The following PSKH1 variants were observed in gnomAD, a reference collection of about 807,000 sequenced individuals.
The protein encoded by PSKH1 is protein serine kinase H1, also known as serine/threonine-protein kinase H1.
PSKH1 carries 12 observed loss-of-function variants against 26.7 expected under a neutral mutation model. The ratio of observed to expected loss-of-function variants is 0.45; its 90% CI spans 0.29 to 0.73. The LOEUF is 0.73. PSKH1 is among the 30% of genes least tolerant of loss of function. The probability of loss-of-function intolerance (pLI) is 0.11; values close to 1 mark genes in which losing one functional copy is unlikely to be tolerated. For missense variants in PSKH1, 431 were observed against 595.2 expected (o/e 0.72, Z 2.87); for synonymous variants, 213 against 234.3 (o/e 0.91, Z 0.83).
chr16:67,909,107 A>G lies in PSKH1; in HGVS notation c.358A>G (p.Thr120Ala). Reference sequence around the variant, plus strand: ...AGTGGTACGTGTAGAGCACCGGGCAACCCGGCAGCCGTATGCCATCAAGAT... The same window carrying G: ...AGTGGTACGTGTAGAGCACCGGGCAGCCCGGCAGCCGTATGCCATCAAGAT... ...SRVVRVEHRA[T>A]RQPYAIKMIE... is the part of the protein sequence containing the mutation. The change falls in exon 2 of 3, where the codon ACC (threonine) becomes GCC (alanine). Residue 120 changes from threonine to alanine, a missense_variant. Transcript: ENST00000291041. The surrounding 1 kb of genome is among the most constrained non-coding windows in gnomAD (Gnocchi z 7.8). 6.2e-7 allele frequency: 1 copy of G among 1,613,266 alleles called. No homozygotes were observed. The highest frequency in any genetic ancestry group is 8.5e-7 in the Non-Finnish European group (1 of 1,179,666).
In PSKH1 at chr16:67,927,673, C is replaced by T. The variant is rs759857838; in HGVS notation, c.*31C>T. On this transcript the variant is annotated 3_prime_UTR_variant, in exon 3 of 3. Coordinates refer to ENST00000291041, the MANE Select transcript of PSKH1 (RefSeq NM_006742.3). The surrounding 1 kb of genome is among the most constrained non-coding windows in gnomAD (Gnocchi z 5.5). ...CTGGCTGTGCACACATGCAGCACGA[C>T]CCAGCCTGGCCACACACTGTGGTGC... The T allele has an allele frequency of 2.6e-6, 4 of 1,567,006 alleles. No individual in the cohort carries two copies. Among genetic ancestry groups the T allele is most frequent in the Non-Finnish European group, 3.4e-6 (4 of 1,160,888 alleles).
chr16:67,918,365 T>A (rs1220839448), intron 2 of PSKH1, among the ~76,000 whole-genome samples: 1 of 151,862 alleles, frequency 6.6e-6, no homozygotes, highest in African/African-American at 2.4e-5. Context: ...TAGGAACAGG[T>A]GGGCTTGGGT....
intron 1 of PSKH1, among the ~76,000 whole-genome samples, chr16:67,902,167 C>T (rs1034654540): frequency 2.7e-5 from 4 of 150,876 alleles, no homozygotes; most frequent in African/African-American, 9.8e-5. Flanking sequence ...GGCTGAGGCA[C>T]GAGAATTGTT....
intron 2 of PSKH1, among the ~76,000 whole-genome samples, chr16:67,911,136 C>T (rs1264055201): frequency 6.6e-6 from 1 of 152,232 alleles, no homozygotes; most frequent in Non-Finnish European, 1.5e-5. Context: ...TCTGTGTCGG[C>T]TTTATGTGGG....
chr16:67,923,383 C>A (rs142373080), intron 2 of PSKH1, among the ~76,000 whole-genome samples: 44 of 152,320 alleles, frequency 2.9e-4, no homozygotes, highest in African/African-American at 1.1e-3. Context: ...CCTCCTCCTA[C>A]AGCCCCTGCT....
At chr16:67,910,168 A>G (rs2058169588) in intron 2 of PSKH1, 4 of 236,148 alleles carry the variant, frequency 1.7e-5, no homozygotes. Context: ...AGGACACTAA[A>G]TCTCTGGTGC....
chr16:67,894,665 T>C (rs916313133), intron 1 of PSKH1, among the ~76,000 whole-genome samples: 3 of 152,202 alleles, frequency 2.0e-5, no homozygotes, highest in Admixed American at 1.3e-4. Flanking sequence ...CATGGTGGTC[T>C]TCTGTCTGCA....
chr16:67,900,341 C>G (rs528596820), intron 1 of PSKH1, among the ~76,000 whole-genome samples: 1 of 152,260 alleles, frequency 6.6e-6, no homozygotes, highest in East Asian at 1.9e-4. Flanking sequence ...TGGCCCCTTC[C>G]CTCAAGGGTC....
In PSKH1 at chr16:67,908,973, C is replaced by T; in HGVS notation, c.224C>T (p.Ser75Leu). ...ACTGCTGGCCACACGGAGCCTCCCT[C>T]AGAACCACCACGCAGGGCCAGGGTA... is the stretch of plus-strand genomic sequence containing the variant. ...PPTAGHTEPP[S>L]EPPRRARVAK... is the part of the protein sequence containing the mutation. Residue 75 changes from serine to leucine, a missense_variant, in exon 2 of 3, where the codon TCA (serine) becomes TTA (leucine). Physicochemically the swap from Ser to Leu is moderately radical, Grantham distance 145. Transcript: ENST00000291041. 6.2e-7 allele frequency: 1 copy of T among 1,614,018 alleles called. No individual in the cohort carries two copies. Among genetic ancestry groups the T allele is most frequent in the Non-Finnish European group, 8.5e-7 (1 of 1,179,926 alleles).
In PSKH1 at chr16:67,908,800, G is replaced by GCTGGAT. The variant is rs1408732601; in HGVS notation, c.56_61dup (p.Asp19_Leu20dup). ...TTCCCGAGCCACCCAAGGATGTCCA[G>GCTGGAT]CTGGATCTGGTCAAGAAGGTGGAGC... On this transcript the variant is annotated inframe_insertion, in exon 2 of 3. Coordinates refer to ENST00000291041, the MANE Select transcript of PSKH1 (RefSeq NM_006742.3). 6.2e-7 allele frequency: 1 copy of GCTGGAT among 1,611,460 alleles called. No individual in the cohort carries two copies. The highest frequency in any genetic ancestry group is 1.1e-5 in the South Asian group (1 of 90,740).
rs773162960 is a variant in PSKH1, at chr16:67,928,093, C to A, written c.*451C>A. On this transcript the variant is annotated 3_prime_UTR_variant, in exon 3 of 3. Coordinates refer to ENST00000291041, the MANE Select transcript of PSKH1 (RefSeq NM_006742.3). This position sits in a 1 kb window ranked among gnomAD's most constrained non-coding sequence, Gnocchi z 4.8. ...CAGAGCCCTTCTCCCTGGTTTCACA[C>A]ATTCCCATGCATCCTGATCCTTAAG... 1.2e-5 allele frequency: 2 copies of A among 163,796 alleles called. No individual in the cohort carries two copies. Among genetic ancestry groups the A allele is most frequent in the Non-Finnish European group, 2.6e-5 (2 of 75,684 alleles). The allele number at this position is 163,796 out of a possible 1,614,324, so 10.1% of individuals were successfully genotyped here. A position where few individuals can be genotyped will look rare whatever the true frequency, so the allele number is the denominator to read the frequency against.
intron 1 of PSKH1, among the ~76,000 whole-genome samples, chr16:67,901,895 A>G (rs2058143101): frequency 6.6e-6 from 1 of 152,072 alleles, no homozygotes; most frequent in Non-Finnish European, 1.5e-5. Context: ...CCAGAGTGCT[A>G]GGATCACAGT....
intron 2 of PSKH1, among the ~76,000 whole-genome samples, chr16:67,916,221 G>A (rs2058187517): frequency 6.6e-6 from 1 of 152,224 alleles, no homozygotes; most frequent in Non-Finnish European, 1.5e-5. Flanking sequence ...GTGAATGAAG[G>A]ACCTCTGACG....
At chr16:67,925,784 G>C (rs536919843) in intron 2 of PSKH1, among the ~76,000 whole-genome samples, 2 of 152,180 alleles carry the variant, frequency 1.3e-5, no homozygotes, top group Non-Finnish European at 2.9e-5. Flanking sequence ...ACCTTCCAAA[G>C]AGTGGGTGAA....
At chr16:67,925,198 A>AT (rs11325565) in intron 2 of PSKH1, among the ~76,000 whole-genome samples, 2,674 of 139,392 alleles carry the variant, frequency 0.019, 34 homozygotes, top group African/African-American at 0.033. Context: ...CAATATGAAT[A>AT]TTTTTTTTTT....
chr16:67,919,057 A>G (rs1298165687), intron 2 of PSKH1, among the ~76,000 whole-genome samples: 1 of 152,100 alleles, frequency 6.6e-6, no homozygotes, highest in Non-Finnish European at 1.5e-5. Context: ...ATCTCCCCGC[A>G]TATGTCACAA....
Position 67,899,233 on chromosome 16 carries a change from G to A in PSKH1, c.-71+5862G>A, listed in dbSNP as rs374765935. On this transcript the variant is annotated intron_variant, in intron 1 of 2. Coordinates refer to ENST00000291041, the MANE Select transcript of PSKH1 (RefSeq NM_006742.3). ...AGGATATTTACAGGGTGTCCAAAGA[G>A]TGTGGCTATGGTTTAACCACCGATC... 2.6e-5 allele frequency among the ~76,000 whole-genome samples: 4 copies of A among 152,198 alleles called. No individual in the cohort carries two copies. The East Asian group carries it at 7.7e-4, about 29-fold the overall frequency.
At chr16:67,897,375 G>A (rs577766086) in intron 1 of PSKH1, among the ~76,000 whole-genome samples, 1 of 152,222 alleles carries the variant, frequency 6.6e-6, no homozygotes, top group South Asian at 2.1e-4. Context: ...TCTTGGTACA[G>A]CCCTCTGTTG....
intron 2 of PSKH1, among the ~76,000 whole-genome samples, chr16:67,912,266 G>A (rs2058175520): frequency 6.6e-6 from 1 of 152,244 alleles, no homozygotes; most frequent in African/African-American, 2.4e-5. Flanking sequence ...GTGCCCAACA[G>A]TGAATTAACT....
Sources: allele counts gnomAD v4.1 joint callset (sites outside exome capture counted in the v4.1 genomes callset), GRCh38; gene constraint gnomAD v4.1.1; non-coding constraint Gnocchi (gnomAD v3.1); transcripts MANE v1.5; gene names NCBI Gene and HGNC (gene_info 2026-07-23, HGNC 2026-07-21).